RNF223: variants seen among roughly 807,000 people sequenced by gnomAD.
RNF223 encodes the protein ring finger protein 223.
RNF223 carries 10 observed loss-of-function variants against 13.9 expected under a neutral mutation model. The ratio of observed to expected loss-of-function variants is 0.72; its 90% CI spans 0.44 to 1.22. The LOEUF (loss-of-function observed/expected upper bound fraction) is 1.22. Among genes scored for constraint, RNF223 ranks in the 50% most tolerant of loss-of-function variants. The pLI is 0.00. For missense variants in RNF223, 379 were observed against 380.0 expected (o/e 1.00, Z 0.02); for synonymous variants, 168 against 173.3 (o/e 0.97, Z 0.24).
chr1:1,072,371 TGG>T lies in RNF223; in HGVS notation c.194_195del (p.Pro65GlnfsTer29), dbSNP rs1645648142. On this transcript the variant is annotated frameshift_variant, in exon 2 of 2. Transcript: ENST00000453464. LOFTEE classifies it high-confidence loss of function. ...AAGACGTGGGTGCAGGAGAGCTCCT[TGG>T]GTGTCTTGAAGATGTTGTCATAGCC... ...FSGYDNIFKT[P>X]KELSCTHVFC... The T allele has an allele frequency of 2.7e-6, 4 of 1,461,858 alleles. No individual in the cohort carries two copies. Among genetic ancestry groups the T allele is most frequent in the Non-Finnish European group, 3.6e-6 (4 of 1,114,062 alleles). The allele number at this position is 1,461,858 out of a possible 1,614,324, so 90.6% of individuals were successfully genotyped here.
intron 1 of RNF223, 24 bp from the exon 2 acceptor site, chr1:1,072,599 G>C: frequency 6.9e-7 from 1 of 1,442,604 alleles, no homozygotes; most frequent in Non-Finnish European, 9.1e-7. Context: ...ACTGTGGTAA[G>C]CAATCACCGG....
chr1:1,072,041 C>T lies in RNF223; in HGVS notation c.526G>A (p.Asp176Asn). 6.7e-7 allele frequency: 1 copy of T among 1,489,028 alleles called. No homozygotes were observed. The highest frequency in any genetic ancestry group is 1.3e-5 in the South Asian group (1 of 77,278). The allele number at this position is 1,489,028 out of a possible 1,614,324, so 92.2% of individuals were successfully genotyped here. A position where few individuals can be genotyped will look rare whatever the true frequency, so the allele number is the denominator to read the frequency against. ...KPAEPPAPAR[D>N]PAPRRGRLAR... is the part of the protein sequence containing the mutation. ...AGGCGGCCCCGGCGGGGGGCAGGGT[C>T]CCGGGCGGGCGCGGGCGGCTCGGCA... is the stretch of plus-strand genomic sequence containing the variant. Residue 176 changes from aspartate (D) to asparagine (N), a missense_variant, in exon 2 of 2, where the codon GAC becomes AAC. Coordinates refer to ENST00000453464, the MANE Select transcript of RNF223 (RefSeq NM_001205252.2).
intron 1 of RNF223, 149 bp downstream of exon 1, chr1:1,073,867 G>T (rs1469368197): frequency 1.3e-5 from 2 of 152,222 alleles, no homozygotes; most frequent in Non-Finnish European, 2.9e-5. Context: ...GGCCGTGAGT[G>T]CCCCAGGCAC....
In RNF223 at chr1:1,072,110, G is replaced by A. The variant is rs532090005; in HGVS notation, c.457C>T (p.Arg153Cys). Residue 153 changes from arginine to cysteine, a missense_variant, in exon 2 of 2, where the codon CGC becomes TGC. Transcript: ENST00000453464. ...TCCACGCATACGAAACCGGGCTCGC[G>A]GCCAGGTGTGGTGGGCAGTGGCTGG... ...CCQPLPTTPGREPGFVCVDVG... is the reference protein window; with the variant it reads ...CCQPLPTTPGCEPGFVCVDVG... 1.8e-4 allele frequency: 277 copies of A among 1,516,100 alleles called. No individual in the cohort carries two copies. The highest frequency in any genetic ancestry group is 1.9e-4 in the Non-Finnish European group (216 of 1,139,094). The allele number at this position is 1,516,100 out of a possible 1,614,324, so 93.9% of individuals were successfully genotyped here.
In RNF223 at chr1:1,072,420, C is replaced by A; in HGVS notation, c.147G>T (p.Leu49=). ...TPGSERVASP[L]ECSICFSGYD... is the part of the protein sequence containing the mutation. ...AGCCTGAGAAACAGATGGAGCACTC[C>A]AGGGGGGAGGCCACCCTCTCCGAGC... The change falls in exon 2 of 2, where the codon CTG becomes CTT. Residue 49 remains leucine (L), a synonymous_variant. Coordinates refer to ENST00000453464, the MANE Select transcript of RNF223 (RefSeq NM_001205252.2). The A allele has an allele frequency of 1.3e-6, 2 of 1,501,950 alleles. No individual in the cohort carries two copies. Among genetic ancestry groups the A allele is most frequent in the Non-Finnish European group, 1.8e-6 (2 of 1,131,928 alleles). 93.0% of individuals were successfully genotyped at this position (1,501,950 alleles called of 1,614,324 possible). A position where few individuals can be genotyped will look rare whatever the true frequency, so the allele number is the denominator to read the frequency against.
In RNF223 at chr1:1,072,029, G is replaced by C. The variant is rs909101750; in HGVS notation, c.538C>G (p.Arg180Gly). 4 of 1,491,788 alleles carry C rather than the reference G, an allele frequency of 2.7e-6. No individual in the cohort carries two copies. Among genetic ancestry groups the C allele is most frequent in the East Asian group, 2.6e-5 (1 of 37,772 alleles). The allele number at this position is 1,491,788 out of a possible 1,614,324, so 92.4% of individuals were successfully genotyped here. ...PPAPARDPAP[R>G]RGRLARCWAR... ...CAGCAGCGGGCCAGGCGGCCCCGGC[G>C]GGGGGCAGGGTCCCGGGCGGGCGCG... is the stretch of plus-strand genomic sequence containing the variant. The change falls in exon 2 of 2, where the codon CGC becomes GGC. Residue 180 changes from arginine (R) to glycine (G), a missense_variant. Physicochemically the swap from Arg to Gly is moderately radical, Grantham distance 125 (BLOSUM62 -2). Transcript: ENST00000453464.
intron 1 of RNF223, among the ~76,000 whole-genome samples, chr1:1,073,632 G>A (rs972973873): frequency 2.0e-5 from 3 of 152,078 alleles, no homozygotes; most frequent in African/African-American, 7.2e-5. Flanking sequence ...CTGCACCCAG[G>A]ATCCGCTGCA....
In RNF223 at chr1:1,072,852, G is replaced by A. The variant is rs973986957; in HGVS notation, c.-9-277C>T. 6.6e-5 allele frequency among the ~76,000 whole-genome samples: 10 copies of A among 152,202 alleles called. No individual in the cohort carries two copies. In the East Asian group the frequency reaches 1.3e-3, roughly 21 times the overall value. On this transcript the variant is annotated intron_variant, in intron 1 of 1. Coordinates refer to ENST00000453464, the MANE Select transcript of RNF223 (RefSeq NM_001205252.2). ...CGTGTGTAGGGGGGTCTCACTGACCGCTCGGCAGACACCTCCTGTTGGCCC... is the reference window on the plus strand; with the variant it reads ...CGTGTGTAGGGGGGTCTCACTGACCACTCGGCAGACACCTCCTGTTGGCCC...
At chr1:1,072,797 G>A (rs1034250158) in intron 1 of RNF223, among the ~76,000 whole-genome samples, 2 of 152,198 alleles carry the variant, frequency 1.3e-5, no homozygotes, top group East Asian at 3.9e-4. Flanking sequence ...GCCTCCCACA[G>A]GGCCCCAGGC....
Position 1,072,307 on chromosome 1 carries a change from G to T in RNF223, c.260C>A (p.Pro87His). 6.9e-7 allele frequency: 1 copy of T among 1,446,824 alleles called. No homozygotes were observed. Among genetic ancestry groups the T allele is most frequent in the Non-Finnish European group, 9.0e-7 (1 of 1,106,852 alleles). 89.6% of individuals were successfully genotyped at this position (1,446,824 alleles called of 1,614,324 possible). ...ECLARLAAAQ[P>H]VGRPGGEAVP... ...AGCCTCACCACCGGGGCGGCCCACA[G>T]GCTGAGCAGCCGCCAGCCGGGCCAG... Residue 87 changes from proline to histidine, a missense_variant, in exon 2 of 2, where the codon CCT (proline) becomes CAT (histidine). Transcript: ENST00000453464.
In RNF223 at chr1:1,072,058, G is replaced by A. The variant is rs951137795; in HGVS notation, c.509C>T (p.Pro170Leu). ...GGCAGGGTCCCGGGCGGGCGCGGGCGGCTCGGCAGGCTTGCTCAAACCCAC... is the reference window on the plus strand; with the variant it reads ...GGCAGGGTCCCGGGCGGGCGCGGGCAGCTCGGCAGGCTTGCTCAAACCCAC... ...VDVGLSKPAE[P>L]PAPARDPAPR... Residue 170 changes from proline to leucine, a missense_variant, in exon 2 of 2, where the codon CCG becomes CTG. Physicochemically the swap from Pro to Leu is moderately conservative, Grantham distance 98. Coordinates refer to ENST00000453464, the MANE Select transcript of RNF223 (RefSeq NM_001205252.2). The A allele has an allele frequency of 9.4e-6, 14 of 1,490,182 alleles. No individual in the cohort carries two copies. Among genetic ancestry groups the A allele is most frequent in the East Asian group, 5.4e-5 (2 of 37,358 alleles). 92.3% of individuals were successfully genotyped at this position (1,490,182 alleles called of 1,614,324 possible).
Position 1,071,874 on chromosome 1 carries a change from G to T in RNF223, c.693C>A (p.Pro231=). Residue 231 remains proline (P), a synonymous_variant, in exon 2 of 2, where the codon CCC becomes CCA. Transcript: ENST00000453464. The part of the protein sequence containing the change: ...TGNLRCLPLP[P]RPPATSTAAS... ...CGGCTGTGCTGGTGGCCGGGGGCCGGGGGGGCAGGGGCAGGCAGCGCAGGT... is the reference window on the plus strand; with the variant it reads ...CGGCTGTGCTGGTGGCCGGGGGCCGTGGGGGCAGGGGCAGGCAGCGCAGGT... 2 of 1,529,720 alleles carry T rather than the reference G, an allele frequency of 1.3e-6. No individual in the cohort carries two copies. Among genetic ancestry groups the T allele is most frequent in the African/African-American group, 1.4e-5 (1 of 72,750 alleles). The allele number at this position is 1,529,720 out of a possible 1,614,324, so 94.8% of individuals were successfully genotyped here. A position where few individuals can be genotyped will look rare whatever the true frequency, so the allele number is the denominator to read the frequency against.
rs1304434716 is a variant in RNF223, at chr1:1,071,237, AGCT to A, written c.*577_*579del. 1 of 152,022 alleles carries A rather than the reference AGCT, an allele frequency of 6.6e-6. No individual in the cohort carries two copies. The highest frequency in any genetic ancestry group is 1.5e-5 in the Non-Finnish European group (1 of 68,108). 9.4% of individuals were successfully genotyped at this position (152,022 alleles called of 1,614,324 possible). A position where few individuals can be genotyped will look rare whatever the true frequency, so the allele number is the denominator to read the frequency against. ...TGTGTGGGTGGGGGGGATGCTGACC[AGCT>A]GCTCTCCTGGACCCTTCCTGTACGA... On this transcript the variant is annotated 3_prime_UTR_variant, in exon 2 of 2. Transcript: ENST00000453464.
At position 1,071,865 on chromosome 1, in the gene RNF223, C is replaced by T. The variant is rs753744970; in HGVS notation, c.702G>A (p.Pro234=). ...LRCLPLPPRP[P]ATSTAASPLG... is the part of the protein sequence containing the mutation. ...GGGGGGAGGCGGCTGTGCTGGTGGC[C>T]GGGGGCCGGGGGGGCAGGGGCAGGC... Residue 234 remains proline (P), a synonymous_variant, in exon 2 of 2, where the codon CCG becomes CCA. Transcript: ENST00000453464. The T allele has an allele frequency of 1.0e-4, 132 of 1,276,360 alleles. No homozygotes were observed. In the African/African-American group the frequency reaches 1.6e-3, roughly 16 times the overall value. The allele number at this position is 1,276,360 out of a possible 1,614,324, so 79.1% of individuals were successfully genotyped here.
rs957884629 is a variant in RNF223, at chr1:1,071,722, C to T, written c.*95G>A. ...AGGCTCCTTTCGCGTCCTCGGGGACCGACTTCCAGTGGCTGCTGTGCCCTT... is the reference window on the plus strand; with the variant it reads ...AGGCTCCTTTCGCGTCCTCGGGGACTGACTTCCAGTGGCTGCTGTGCCCTT... On this transcript the variant is annotated 3_prime_UTR_variant, in exon 2 of 2. Transcript: ENST00000453464. The T allele has an allele frequency of 1.8e-5, 20 of 1,142,380 alleles. 1 individual carries two copies. The highest frequency in any genetic ancestry group is 8.7e-5 in the East Asian group (3 of 34,398). The allele number at this position is 1,142,380 out of a possible 1,614,324, so 70.8% of individuals were successfully genotyped here.
rs776685454 is a variant in RNF223 at position 1,072,425 on chromosome 1, G to A, written c.142C>T (p.Pro48Ser). 9.3e-6 allele frequency: 14 copies of A among 1,503,918 alleles called. No homozygotes were observed. Among genetic ancestry groups the A allele is most frequent in the Non-Finnish European group, 1.2e-5 (14 of 1,133,042 alleles). 93.2% of individuals were successfully genotyped at this position (1,503,918 alleles called of 1,614,324 possible). Residue 48 changes from proline to serine, a missense_variant, in exon 2 of 2, where the codon CCC (proline) becomes TCC (serine). Physicochemically the swap from Pro to Ser is moderately conservative, Grantham distance 74. Transcript: ENST00000453464. Reference protein sequence around the residue: ...GTPGSERVASPLECSICFSGY... With the variant: ...GTPGSERVASSLECSICFSGY... Reference sequence around the variant, plus strand: ...GAGAAACAGATGGAGCACTCCAGGGGGGAGGCCACCCTCTCCGAGCCAGGG... The same window carrying A: ...GAGAAACAGATGGAGCACTCCAGGGAGGAGGCCACCCTCTCCGAGCCAGGG...
Position 1,072,303 on chromosome 1 carries a change from C to T in RNF223, c.264G>A (p.Val88=). ...GTACAGCCTCACCACCGGGGCGGCC[C>T]ACAGGCTGAGCAGCCGCCAGCCGGG... ...CLARLAAAQP[V]GRPGGEAVPC... is the part of the protein sequence containing the mutation. The change falls in exon 2 of 2, where the codon GTG becomes GTA. Residue 88 remains valine (V), a synonymous_variant. Coordinates refer to ENST00000453464, the MANE Select transcript of RNF223 (RefSeq NM_001205252.2). 6.9e-7 allele frequency: 1 copy of T among 1,445,664 alleles called. No individual in the cohort carries two copies. The highest frequency in any genetic ancestry group is 9.0e-7 in the Non-Finnish European group (1 of 1,106,192). 89.6% of individuals were successfully genotyped at this position (1,445,664 alleles called of 1,614,324 possible). A position where few individuals can be genotyped will look rare whatever the true frequency, so the allele number is the denominator to read the frequency against.
chr1:1,073,041 G>A (rs963241230), intron 1 of RNF223, among the ~76,000 whole-genome samples: 1 of 152,260 alleles, frequency 6.6e-6, no homozygotes, highest in East Asian at 1.9e-4. Context: ...TGGGTGACTC[G>A]GCCAGGGCCA....
chr1:1,072,890 C>T (rs891226697), intron 1 of RNF223, among the ~76,000 whole-genome samples: 5 of 152,232 alleles, frequency 3.3e-5, no homozygotes, highest in Non-Finnish European at 5.9e-5. Context: ...CCCCACCTGG[C>T]TGGCCCTGCT....
Sources: gnomAD v4.1 joint callset for allele counts (sites outside exome capture counted in the v4.1 genomes callset) on GRCh38, gnomAD v4.1.1 for gene constraint, MANE v1.5 for transcripts, NCBI Gene and HGNC (gene_info 2026-07-23, HGNC 2026-07-21) for gene names.